PTPRK: variants seen among roughly 807,000 people sequenced by gnomAD.
PTPRK encodes the protein receptor-type tyrosine-protein phosphatase kappa.
In PTPRK, 75 loss-of-function variants were observed where a neutral mutation model predicts 178.0. That is an observed-to-expected ratio of 0.42 (90% CI 0.35 to 0.51). The LOEUF is 0.51. Among genes scored for constraint, PTPRK ranks in the 20% least tolerant of loss-of-function variants. PTPRK has a pLI of 0.02. For synonymous variants in PTPRK, 637 were observed against 620.6 expected, an observed-to-expected ratio of 1.03 and a Z score of -0.39; for missense variants, 1,441 against 1,797.8, an observed-to-expected ratio of 0.80 and a Z score of 3.59.
intron 7 of PTPRK, among the ~76,000 whole-genome samples, chr6:128,146,220 T>A (rs1254623144): frequency 6.6e-6 from 1 of 152,156 alleles, no homozygotes; most frequent in East Asian, 1.9e-4. Context: ...CAAAGGGGCA[T>A]GAAGGAATAT....
chr6:128,507,593 T>G (rs980090213), intron 1 of PTPRK, among the ~76,000 whole-genome samples: 1 of 152,132 alleles, frequency 6.6e-6, no homozygotes, highest in African/African-American at 2.4e-5. Flanking sequence ...CCCTCTCTTG[T>G]GGCTGCCCAC....
At chr6:128,041,895 T>A (rs1777241522) in intron 13 of PTPRK, among the ~76,000 whole-genome samples, 1 of 151,936 alleles carries the variant, frequency 6.6e-6, no homozygotes, top group African/African-American at 2.4e-5. Context: ...AAAGTGTGTA[T>A]ATATAATATA....
At position 128,005,142 on chromosome 6, in the gene PTPRK, C is replaced by T. The variant is rs1778271550; in HGVS notation, c.2436G>A (p.Leu812=). 1 of 1,611,198 alleles carries T rather than the reference C, an allele frequency of 6.2e-7. No homozygotes were observed. Among genetic ancestry groups the T allele is most frequent in the Non-Finnish European group, 8.5e-7 (1 of 1,178,380 alleles). ...MDRSYADQST[L]HAEDPLSITF... is the part of the protein sequence containing the mutation. ...TGATGGAAAGAGGATCTTCTGCATG[C>T]AGAGTGCTCTGATCAGCATAACTTC... Residue 812 remains leucine, a synonymous_variant, in exon 15 of 30, where the codon CTG becomes CTA. Coordinates refer to ENST00000368226, the MANE Select transcript of PTPRK (RefSeq NM_002844.4).
chr6:128,037,730 C>T (rs1776464532), intron 13 of PTPRK, among the ~76,000 whole-genome samples: 1 of 151,982 alleles, frequency 6.6e-6, no homozygotes, highest in South Asian at 2.1e-4. Context: ...GACAACAGAT[C>T]AGGGAGATGT....
chr6:128,332,406 CCT>C (rs953383183), intron 2 of PTPRK, among the ~76,000 whole-genome samples: 22 of 152,294 alleles, frequency 1.4e-4, no homozygotes, highest in African/African-American at 5.1e-4. Context: ...TAATTTAACC[CCT>C]CTCTGTCTTG....
chr6:128,520,115 A>G, intron 1 of PTPRK, 144 bp downstream of exon 1: 1 of 644,778 alleles, frequency 1.6e-6, no homozygotes, highest in Non-Finnish European at 2.5e-6. Flanking sequence ...CTCTGGGGAC[A>G]GCCCTCCCTC....
intron 7 of PTPRK, among the ~76,000 whole-genome samples, chr6:128,132,546 C>T (rs961647820): frequency 9.2e-5 from 14 of 152,328 alleles, no homozygotes; most frequent in South Asian, 4.1e-4. Context: ...CTTTCCCCAC[C>T]GGGGCCCACA....
chr6:128,332,005 A>AT (rs1157419809), intron 2 of PTPRK, among the ~76,000 whole-genome samples: 4 of 35,900 alleles, frequency 1.1e-4, no homozygotes, highest in Non-Finnish European at 4.4e-4. Flanking sequence ...TTCAGGCAAC[A>AT]CAAAAAAACT....
rs543473790 is a variant in PTPRK, at chr6:128,490,981, A to G, written c.100+29278T>C. Among the ~76,000 whole-genome samples, 10 of 152,298 alleles carry G rather than the reference A, an allele frequency of 6.6e-5. No homozygotes were observed. The Middle Eastern group carries it at 0.01, about 155-fold the overall frequency. ...ATCATTTAACCTTAATGACCTCTTT[A>G]AAGTCCCTACCTCCAAATACAATCA... On this transcript the variant is annotated intron_variant, in intron 1 of 29. Coordinates refer to ENST00000368226, the MANE Select transcript of PTPRK (RefSeq NM_002844.4).
At chr6:128,129,371 T>C (rs1378199098) in intron 7 of PTPRK, among the ~76,000 whole-genome samples, 2 of 152,210 alleles carry the variant, frequency 1.3e-5, no homozygotes, top group Non-Finnish European at 2.9e-5. Context: ...TCTTGCCTTA[T>C]TGCTCCAGAT....
intron 6 of PTPRK, among the ~76,000 whole-genome samples, chr6:128,192,704 T>C (rs751989591): frequency 7.9e-5 from 12 of 151,734 alleles, no homozygotes; most frequent in Non-Finnish European, 1.8e-4. Context: ...TGGTCCCAGC[T>C]ACTCGGGAGG....
chr6:128,103,031 C>T (rs1009548491), intron 7 of PTPRK, among the ~76,000 whole-genome samples: 2 of 152,146 alleles, frequency 1.3e-5, no homozygotes, highest in African/African-American at 2.4e-5. Flanking sequence ...TTTTGGCCTG[C>T]CATGCTGCCC....
chr6:128,242,684 A>G, intron 3 of PTPRK, 82 bp from the exon 4 acceptor site: 7 of 1,509,932 alleles, frequency 4.6e-6, no homozygotes, highest in Non-Finnish European at 6.2e-6. Flanking sequence ...AAATATATGC[A>G]AAAGTAAATC....
At chr6:128,238,192 AAAAAAAAAAAGAAAAG>A in intron 5 of PTPRK, 2 of 403,466 alleles carry the variant, frequency 5.0e-6, no homozygotes, top group South Asian at 1.8e-5. Flanking sequence ...CGCCAAAAAA[AAAAAAAAAAAGAAAAG>A]AAAAAAAAAA....
chr6:128,207,577 T>C (rs1385085911), intron 6 of PTPRK, among the ~76,000 whole-genome samples: 1 of 152,096 alleles, frequency 6.6e-6, no homozygotes, highest in Non-Finnish European at 1.5e-5. Context: ...TGTACAGATA[T>C]ACACAAAAAG....
chr6:128,104,893 T>C (rs1053958953), intron 7 of PTPRK, among the ~76,000 whole-genome samples: 3 of 152,174 alleles, frequency 2.0e-5, no homozygotes, highest in Non-Finnish European at 2.9e-5. Context: ...AAAAGGTCAT[T>C]GTGAAACTTT....
At chr6:128,174,196 C>T (rs1800712075) in intron 7 of PTPRK, among the ~76,000 whole-genome samples, 1 of 151,900 alleles carries the variant, frequency 6.6e-6, no homozygotes, top group Non-Finnish European at 1.5e-5. Context: ...TTACTATGGT[C>T]TTCTTATGTC....
intron 12 of PTPRK, among the ~76,000 whole-genome samples, chr6:128,065,082 T>C (rs552011016): frequency 1.7e-4 from 26 of 152,218 alleles, no homozygotes; most frequent in Non-Finnish European, 3.2e-4. Context: ...TCTATTTTCA[T>C]GTATAGTGCT....
At chr6:128,014,815 T>C (rs578168177) in intron 13 of PTPRK, among the ~76,000 whole-genome samples, 37 of 151,770 alleles carry the variant, frequency 2.4e-4, no homozygotes, top group African/African-American at 8.7e-4. Context: ...TCAATGATCT[T>C]TTGAAGTAAT....
Sources: allele counts gnomAD v4.1 joint callset (sites outside exome capture counted in the v4.1 genomes callset), GRCh38; gene constraint gnomAD v4.1.1; transcripts MANE v1.5; gene names NCBI Gene and HGNC (gene_info 2026-07-23, HGNC 2026-07-21).